The following SS18 variants were observed in gnomAD, a reference collection of about 807,000 sequenced individuals.
The protein encoded by SS18 is protein SSXT.
SS18 carries 28 observed loss-of-function variants against 72.5 expected under a neutral mutation model. The observed-to-expected ratio is 0.39, with a 90% CI of 0.29 to 0.53. SS18 has a LOEUF of 0.53. Ranked by LOEUF, SS18 falls within the 20% of genes least tolerant of loss-of-function variation. The probability of loss-of-function intolerance (pLI) is 0.76; values close to 1 mark genes in which losing one functional copy is unlikely to be tolerated. For missense variants in SS18, 518 were observed against 535.3 expected (o/e 0.97, Z 0.32); for synonymous variants, 172 against 164.2 (o/e 1.05, Z -0.37).
chr18:26,057,239 A>G (rs1180513640), intron 4 of SS18, among the ~76,000 whole-genome samples: 2 of 152,196 alleles, frequency 1.3e-5, no homozygotes, highest in Non-Finnish European at 2.9e-5. Flanking sequence ...AACTCAGGGA[A>G]ATGTTATAAT....
At chr18:26,054,559 G>C (rs1166896459) in intron 4 of SS18, among the ~76,000 whole-genome samples, 6 of 151,896 alleles carry the variant, frequency 4.0e-5, no homozygotes, top group Non-Finnish European at 8.8e-5. Context: ...GAACATGATA[G>C]AGACCAAAAA....
upstream of SS18, chr18:26,090,750 G>T (rs2054713326): frequency 3.1e-6 from 2 of 637,450 alleles, no homozygotes; most frequent in East Asian, 2.8e-5. Flanking sequence ...GGGATGTCTC[G>T]CTTCTGCGCA....
intron 4 of SS18, among the ~76,000 whole-genome samples, chr18:26,056,998 A>G (rs1162857702): frequency 6.6e-6 from 1 of 152,256 alleles, no homozygotes; most frequent in Non-Finnish European, 1.5e-5. Flanking sequence ...GGCTCAGTGT[A>G]TAAATAATGT....
At chr18:26,036,595 A>G (rs1370773677) in intron 7 of SS18, among the ~76,000 whole-genome samples, 1 of 151,950 alleles carries the variant, frequency 6.6e-6, no homozygotes, top group East Asian at 1.9e-4. Flanking sequence ...TACCTGCGAG[A>G]TAATTGGACT....
rs1357848379 is a variant in SS18, at chr18:26,017,214, A to G, written c.*1140T>C. ...AACAGATAGAATAAACCTCATCAAT[A>G]AGCATTTTCCTAAATATCTCTTTGT... On this transcript the variant is annotated 3_prime_UTR_variant, in exon 11 of 11. Coordinates refer to ENST00000415083, the MANE Select transcript of SS18 (RefSeq NM_001007559.3). 1 of 201,758 alleles carries G rather than the reference A, an allele frequency of 5.0e-6. No individual in the cohort carries two copies. The highest frequency in any genetic ancestry group is 2.3e-5 in the African/African-American group (1 of 43,614). 12.5% of individuals were successfully genotyped at this position (201,758 alleles called of 1,614,324 possible).
At chr18:26,057,914 T>C (rs947410555) in intron 3 of SS18, among the ~76,000 whole-genome samples, 172 bp from the exon 4 acceptor site, 3 of 152,206 alleles carry the variant, frequency 2.0e-5, no homozygotes, top group African/African-American at 7.2e-5. Context: ...CCCAAAACTT[T>C]AAAGCATATT....
Position 26,039,423 on chromosome 18 carries a change from T to G in SS18, c.641A>C (p.Gln214Pro). 1.2e-6 allele frequency: 2 copies of G among 1,613,782 alleles called. No individual in the cohort carries two copies. The highest frequency in any genetic ancestry group is 1.7e-6 in the Non-Finnish European group (2 of 1,179,794). ...TCCGCCTCCCTGTGGCATATTGTAT[T>G]GCTGAGAAGGAGGCTGCTGATGCAT... ...PMMHQQPPSQ[Q>P]YNMPQGGGQH... Residue 214 changes from glutamine to proline, a missense_variant, in exon 6 of 11, where the codon CAA becomes CCA. Coordinates refer to ENST00000415083, the MANE Select transcript of SS18 (RefSeq NM_001007559.3).
intron 10 of SS18, among the ~76,000 whole-genome samples, chr18:26,030,528 A>G (rs934902788): frequency 6.6e-6 from 1 of 152,188 alleles, no homozygotes; most frequent in Non-Finnish European, 1.5e-5. Context: ...TTATTTCCCA[A>G]TATGTTCCCA....
chr18:26,018,431 G>A, intron 10 of SS18, 51 bp from the exon 11 acceptor site: 1 of 1,349,498 alleles, frequency 7.4e-7, no homozygotes, highest in Middle Eastern at 2.6e-4. Context: ...ACCATAACAG[G>A]CAAAGAAGAT....
At chr18:26,042,943 T>C (rs2053755875) in intron 5 of SS18, among the ~76,000 whole-genome samples, 1 of 152,130 alleles carries the variant, frequency 6.6e-6, no homozygotes, top group Non-Finnish European at 1.5e-5. Flanking sequence ...ACCAATACAC[T>C]AAAATTTTAT....
chr18:26,090,377 T>C, intron 1 of SS18, 124 bp downstream of exon 1: 1 of 952,102 alleles, frequency 1.1e-6, no homozygotes, highest in Non-Finnish European at 1.6e-6. Flanking sequence ...TCCCAAACAC[T>C]GCTGATTCCC....
At position 26,059,558 on chromosome 18, in the gene SS18, C is replaced by T. The variant is rs1417272356; in HGVS notation, c.232-1816G>A. Among the ~76,000 whole-genome samples, 3 of 152,112 alleles carry T rather than the reference C, an allele frequency of 2.0e-5. No homozygotes were observed. In the East Asian group the frequency reaches 5.8e-4, roughly 29 times the overall value. On this transcript the variant is annotated intron_variant, in intron 3 of 10. Transcript: ENST00000415083. ...GGAGACAAAGACTGGAGTGTAGGCC[C>T]CACCAAGTTAGAGGAGCCTTCATAA...
At position 26,067,811 on chromosome 18, in the gene SS18, C is replaced by T. The variant is rs181756687; in HGVS notation, c.232-10069G>A. ...TGCTTACCAAAAAGACCAGTGGTCC[C>T]CAACCTTTTTGGCACCAGGGACTGA... On this transcript the variant is annotated intron_variant, in intron 3 of 10. Transcript: ENST00000415083. Among the ~76,000 whole-genome samples the T allele has an allele frequency of 5.0e-4, 76 of 152,114 alleles. 1 individual carries two copies. The highest frequency in any genetic ancestry group is 4.4e-5 in the Non-Finnish European group (3 of 68,018).
intron 3 of SS18, among the ~76,000 whole-genome samples, chr18:26,066,217 A>G (rs2054213119): frequency 6.6e-6 from 1 of 152,020 alleles, no homozygotes; most frequent in Non-Finnish European, 1.5e-5. Flanking sequence ...ATATTTGCTT[A>G]TTACTGGAGC....
At chr18:26,057,439 T>C in intron 4 of SS18, 150 bp downstream of exon 4, 2 of 844,528 alleles carry the variant, frequency 2.4e-6, no homozygotes, top group East Asian at 2.6e-5. Context: ...ACAGGTCACG[T>C]AGCTCTGTAG....
intron 10 of SS18, among the ~76,000 whole-genome samples, chr18:26,027,767 A>G (rs1598529748): frequency 6.6e-6 from 1 of 151,324 alleles, no homozygotes; most frequent in African/African-American, 2.4e-5. Flanking sequence ...AAGCCATGCA[A>G]ACTTTATTTC....
chr18:26,064,295 T>G (rs546635407), intron 3 of SS18, among the ~76,000 whole-genome samples: 29 of 152,240 alleles, frequency 1.9e-4, no homozygotes, highest in African/African-American at 7.0e-4. Context: ...TTCCCAATTC[T>G]TTATGAAACT....
At chr18:26,042,985 T>C (rs1372235422) in intron 5 of SS18, among the ~76,000 whole-genome samples, 1 of 152,186 alleles carries the variant, frequency 6.6e-6, no homozygotes, top group East Asian at 1.9e-4. Context: ...CAAATTATTT[T>C]AAATAATATT....
intron 4 of SS18, among the ~76,000 whole-genome samples, chr18:26,054,733 ATCTC>A (rs36024253): frequency 0.058 from 8,812 of 150,868 alleles, 552 homozygotes; most frequent in African/African-American, 0.17. Flanking sequence ...TATAGAGAAA[ATCTC>A]TCTCTCTTTT....
Sources: gnomAD v4.1 joint callset for allele counts (sites outside exome capture counted in the v4.1 genomes callset) on GRCh38, gnomAD v4.1.1 for gene constraint, MANE v1.5 for transcripts, NCBI Gene and HGNC (gene_info 2026-07-23, HGNC 2026-07-21) for gene names.